Variants in CA8 observed in about 807,000 individuals in gnomAD.
CA8 encodes the protein carbonic anhydrase 8 (inactive).
A neutral mutation model predicts 41.4 loss-of-function variants in CA8; 22 were observed. The observed-to-expected ratio is 0.53, with a 90% CI of 0.38 to 0.76. The LOEUF is 0.76. CA8 is among the 30% of genes least tolerant of loss of function. CA8 has a pLI of 0.00. For synonymous variants in CA8, 121 were observed against 130.6 expected (o/e 0.93, Z 0.50); for missense variants, 270 against 352.8 (o/e 0.77, Z 1.88).
At position 60,261,964 on chromosome 8, in the gene CA8, C is replaced by G. The variant is rs574559224; in HGVS notation, c.417+3961G>C. Among the ~76,000 whole-genome samples, 13 of 152,312 alleles carry G rather than the reference C, an allele frequency of 8.5e-5. No homozygotes were observed. In the East Asian group the frequency reaches 2.5e-3, roughly 29 times the overall value. On this transcript the variant is annotated intron_variant, in intron 3 of 8. Transcript: ENST00000317995. ...TGACCTCATGATCCGCCCGCCTCGGCCTCCCAAAGTGCTGGGATTACAGGT... is the reference window on the plus strand; with the variant it reads ...TGACCTCATGATCCGCCCGCCTCGGGCTCCCAAAGTGCTGGGATTACAGGT...
At chr8:60,280,992 G>C (rs1804402164) in intron 1 of CA8, 56 bp downstream of exon 1, 3 of 1,329,310 alleles carry the variant, frequency 2.3e-6, no homozygotes, top group African/African-American at 2.9e-5. Context: ...TCCCGCGCTC[G>C]GCGAGACACT....
intron 3 of CA8, among the ~76,000 whole-genome samples, chr8:60,240,643 T>C (rs1807992332): frequency 6.6e-6 from 1 of 152,074 alleles, no homozygotes; most frequent in South Asian, 2.1e-4. Context: ...CAGGACACTA[T>C]AGAGTATAGC....
At chr8:60,201,227 A>G (rs1177002097) in intron 8 of CA8, among the ~76,000 whole-genome samples, 2 of 152,226 alleles carry the variant, frequency 1.3e-5, no homozygotes, top group Non-Finnish European at 2.9e-5. Context: ...ACACATCTAA[A>G]AGAAAAGTTC....
intron 4 of CA8, among the ~76,000 whole-genome samples, chr8:60,230,105 G>A (rs1454149728): frequency 1.3e-5 from 2 of 152,130 alleles, no homozygotes; most frequent in East Asian, 1.9e-4. Context: ...ATTTTGCTTT[G>A]TGTGTCTCAG....
chr8:60,273,794 C>A (rs183606864), intron 2 of CA8, among the ~76,000 whole-genome samples: 1 of 152,298 alleles, frequency 6.6e-6, no homozygotes, highest in Admixed American at 6.5e-5. Flanking sequence ...ATGATGAGTT[C>A]ATCAGTGACC....
chr8:60,238,099 G>A (rs527693808), intron 3 of CA8, among the ~76,000 whole-genome samples: 19 of 152,112 alleles, frequency 1.2e-4, no homozygotes, highest in Admixed American at 9.8e-4. Context: ...CCTGTGAAAC[G>A]TTCAAAACGT....
intron 8 of CA8, among the ~76,000 whole-genome samples, chr8:60,202,210 A>ATTTT (rs377462858): frequency 1.4e-5 from 2 of 139,608 alleles, no homozygotes; most frequent in Admixed American, 1.4e-4. Context: ...TTCCCAGCTA[A>ATTTT]TTTTTTTTTT....
chr8:60,275,320 C>T (rs978837662), intron 2 of CA8, among the ~76,000 whole-genome samples: 2 of 151,812 alleles, frequency 1.3e-5, no homozygotes, highest in Non-Finnish European at 2.9e-5. Flanking sequence ...TGAGGAGAAC[C>T]TCCGAAATAA....
intron 7 of CA8, among the ~76,000 whole-genome samples, chr8:60,216,572 A>G (rs1291506889): frequency 6.6e-6 from 1 of 152,182 alleles, no homozygotes; most frequent in Non-Finnish European, 1.5e-5. Context: ...AGGGAGCATG[A>G]CTTTAGTAGG....
At chr8:60,249,364 C>T (rs1808362033) in intron 3 of CA8, among the ~76,000 whole-genome samples, 1 of 152,124 alleles carries the variant, frequency 6.6e-6, no homozygotes, top group South Asian at 2.1e-4. Context: ...GAAATATTTC[C>T]TACTATTTCT....
At chr8:60,259,333 T>A (rs191625276) in intron 3 of CA8, among the ~76,000 whole-genome samples, 90 of 152,324 alleles carry the variant, frequency 5.9e-4, no homozygotes, top group South Asian at 4.1e-3. Context: ...TAATTACATA[T>A]TATAGGAACT....
In CA8 at chr8:60,234,002, A is replaced by AT. The variant is rs1201667993; in HGVS notation, c.418-1624dup. Among the ~76,000 whole-genome samples, 4 of 152,186 alleles carry AT rather than the reference A, an allele frequency of 2.6e-5. No individual in the cohort carries two copies. In the East Asian group the frequency reaches 5.8e-4, roughly 22 times the overall value. ...TCAAAGAGTAAAGTATGGAACAGGG[A>AT]TAAAAATAGTGACTTTACAGTGGAT... On this transcript the variant is annotated intron_variant, in intron 3 of 8. Coordinates refer to ENST00000317995, the MANE Select transcript of CA8 (RefSeq NM_004056.6).
chr8:60,263,475 A>G (rs181631644), intron 3 of CA8, among the ~76,000 whole-genome samples: 389 of 142,044 alleles, frequency 2.7e-3, no homozygotes, highest in African/African-American at 0.011. Flanking sequence ...TGATTTTGAG[A>G]AAAAAAAAAA....
intron 3 of CA8, among the ~76,000 whole-genome samples, chr8:60,253,197 T>C (rs1808510649): frequency 6.6e-6 from 1 of 152,156 alleles, no homozygotes; most frequent in South Asian, 2.1e-4. Flanking sequence ...ATCACTTCAC[T>C]GCACTCCAGT....
intron 7 of CA8, among the ~76,000 whole-genome samples, chr8:60,210,125 G>A (rs922239801): frequency 1.3e-5 from 2 of 152,144 alleles, no homozygotes; most frequent in African/African-American, 4.8e-5. Context: ...ATTAGCTAGT[G>A]GGTAAGTCTG....
chr8:60,204,407 T>G (rs1004187407), intron 8 of CA8, among the ~76,000 whole-genome samples: 4 of 152,196 alleles, frequency 2.6e-5, no homozygotes, highest in African/African-American at 9.6e-5. Flanking sequence ...TTTTAATTCA[T>G]AGTGGGAGGA....
rs61452288 is a variant in CA8 at position 60,187,099 on chromosome 8, G to C, written c.*2922C>G. ...TATGCTAAGCCAGAAAGCAAACCTCGATAAATTTAAGACTGAGATCATATA... is the reference window on the plus strand; with the variant it reads ...TATGCTAAGCCAGAAAGCAAACCTCCATAAATTTAAGACTGAGATCATATA... On this transcript the variant is annotated 3_prime_UTR_variant, in exon 9 of 9. Transcript: ENST00000317995. Among the ~76,000 whole-genome samples, 1 of 151,742 alleles carries C rather than the reference G, an allele frequency of 6.6e-6. No homozygotes were observed. Among genetic ancestry groups the C allele is most frequent in the South Asian group, 2.1e-4 (1 of 4,804 alleles).
intron 8 of CA8, among the ~76,000 whole-genome samples, chr8:60,193,342 G>T (rs190589762): frequency 6.6e-6 from 1 of 152,260 alleles, no homozygotes; most frequent in African/African-American, 2.4e-5. Flanking sequence ...TGGACTGACT[G>T]CCTGGTTTGC....
chr8:60,209,017 A>G, intron 7 of CA8, 98 bp from the exon 8 acceptor site: 1 of 1,279,062 alleles, frequency 7.8e-7, no homozygotes, highest in Non-Finnish European at 1.1e-6. Context: ...TATAAATTAC[A>G]AGAATTATTG....
Sources: allele counts gnomAD v4.1 joint callset (sites outside exome capture counted in the v4.1 genomes callset), GRCh38; gene constraint gnomAD v4.1.1; transcripts MANE v1.5; gene names NCBI Gene and HGNC (gene_info 2026-07-23, HGNC 2026-07-21).